Variants in RPTOR observed in about 807,000 individuals in gnomAD.
RPTOR encodes regulatory associated protein of MTOR complex 1, also known as regulatory-associated protein of mTOR.
Under a neutral mutation model 169.9 loss-of-function variants are expected in RPTOR, and 21 were observed. The observed-to-expected ratio is 0.12, with a 90% CI of 0.09 to 0.18. The LOEUF is 0.18. Among genes scored for constraint, RPTOR ranks in the 10% least tolerant of loss-of-function variants. RPTOR has a pLI of 1.00. For synonymous variants in RPTOR, 732 were observed against 753.2 expected (o/e 0.97, Z 0.46); for missense variants, 1,133 against 1,855.9 (o/e 0.61, Z 7.16).
chr17:80,915,096 G>T (rs1007602105), intron 21 of RPTOR, among the ~76,000 whole-genome samples: 2 of 152,094 alleles, frequency 1.3e-5, no homozygotes, highest in African/African-American at 4.8e-5. Flanking sequence ...TCTGCTGAGA[G>T]CTGAGCAGAC....
In RPTOR at chr17:80,651,543, A is replaced by T. The variant is rs1470478081; in HGVS notation, c.348+7733A>T. Among the ~76,000 whole-genome samples, 3 of 146,842 alleles carry T rather than the reference A, an allele frequency of 2.0e-5. No individual in the cohort carries two copies. The highest frequency in any genetic ancestry group is 2.1e-4 in the South Asian group (1 of 4,670). On this transcript the variant is annotated intron_variant, in intron 3 of 33. Coordinates refer to ENST00000306801, the MANE Select transcript of RPTOR (RefSeq NM_020761.3). This position sits in a 1 kb window ranked among gnomAD's most constrained non-coding sequence, Gnocchi z 4.1. ...TATGACACATAATGGAGATTTTTTT[A>T]AAATGGACATACGAAGCACATAACG...
rs140876878 is a variant in RPTOR at position 80,882,528 on chromosome 17, G to A, written c.1585-891G>A. ...CTCGGCGTGCGAGGAAAGCGACCAC[G>A]GTCGGGTCACCTGCACCCAGCTCAG... is the stretch of plus-strand genomic sequence containing the variant. On this transcript the variant is annotated intron_variant, in intron 14 of 33. Coordinates refer to ENST00000306801, the MANE Select transcript of RPTOR (RefSeq NM_020761.3). Among the ~76,000 whole-genome samples, 98 of 152,276 alleles carry A rather than the reference G, an allele frequency of 6.4e-4. No homozygotes were observed. The East Asian group carries it at 0.01, about 16-fold the overall frequency.
chr17:80,773,837 G>A (rs1229523191), intron 6 of RPTOR: 8 of 985,406 alleles, frequency 8.1e-6, no homozygotes, highest in Non-Finnish European at 8.4e-6. Flanking sequence ...TGGTGCCTGG[G>A]TGTGTTCAGT....
intron 6 of RPTOR, among the ~76,000 whole-genome samples, chr17:80,790,521 T>TGCTATGGGCTA (rs879822129): frequency 6.6e-6 from 1 of 152,128 alleles, no homozygotes; most frequent in Non-Finnish European, 1.5e-5. Context: ...CCTATCCCAC[T>TGCTATGGGCTA]GCTATGGGTA....
intron 3 of RPTOR, among the ~76,000 whole-genome samples, chr17:80,697,550 GGGCGGCGTGATAGGTGCAGGT>G (rs879481669): frequency 1.4e-4 from 21 of 152,288 alleles, no homozygotes; most frequent in Non-Finnish European, 1.9e-4. Flanking sequence ...GGGAGGAGGA[GGGCGGCGTGATAGGTGCAGGT>G]GGCGGCGTGA....
intron 11 of RPTOR, among the ~76,000 whole-genome samples, chr17:80,849,464 A>G (rs1417328771): frequency 1.3e-5 from 2 of 152,218 alleles, no homozygotes; most frequent in Non-Finnish European, 2.9e-5. Context: ...CAACAGAGGA[A>G]CAAGAAGGAA....
chr17:80,702,090 ATC>A (rs1339144885), intron 3 of RPTOR, among the ~76,000 whole-genome samples: 1 of 152,146 alleles, frequency 6.6e-6, no homozygotes, highest in African/African-American at 2.4e-5. Flanking sequence ...AAAATGCAGA[ATC>A]TGATTGCAGT....
chr17:80,795,535 T>C (rs967386309), intron 7 of RPTOR, among the ~76,000 whole-genome samples: 1 of 152,018 alleles, frequency 6.6e-6, no homozygotes, highest in Non-Finnish European at 1.5e-5. Context: ...CAAGTGATGC[T>C]ATGAAGGTGG....
intron 1 of RPTOR, among the ~76,000 whole-genome samples, chr17:80,554,601 G>A (rs1348712189): frequency 6.6e-6 from 1 of 151,996 alleles, no homozygotes; most frequent in Non-Finnish European, 1.5e-5. Flanking sequence ...AAAATTAGCC[G>A]GGCGAGGTGA....
At chr17:80,748,019 C>G in intron 5 of RPTOR, among the ~76,000 whole-genome samples, 1 of 129,804 alleles carries the variant, frequency 7.7e-6, no homozygotes, top group African/African-American at 3.2e-5. Flanking sequence ...GATGGAGGGA[C>G]TGCGGTGTGT....
chr17:80,929,486 G>C (rs1454343246), intron 24 of RPTOR, among the ~76,000 whole-genome samples: 16 of 152,216 alleles, frequency 1.1e-4, no homozygotes, highest in Admixed American at 1.0e-3. Flanking sequence ...ATTATAAAAA[G>C]CTTTAAGAGT....
intron 4 of RPTOR, among the ~76,000 whole-genome samples, chr17:80,718,899 C>A (rs1335630785): frequency 6.6e-6 from 1 of 152,152 alleles, no homozygotes; most frequent in Non-Finnish European, 1.5e-5. Context: ...GCTAGAGAAA[C>A]TCCAGGTAGA....
chr17:80,558,257 T>A (rs1434035675), intron 1 of RPTOR, among the ~76,000 whole-genome samples: 1 of 152,178 alleles, frequency 6.6e-6, no homozygotes, highest in Non-Finnish European at 1.5e-5. Flanking sequence ...GCTATGATGG[T>A]GTCACTGCCC....
chr17:80,586,850 G>A (rs2065064619), intron 1 of RPTOR, among the ~76,000 whole-genome samples: 2 of 147,042 alleles, frequency 1.4e-5, no homozygotes, highest in Non-Finnish European at 3.1e-5. Context: ...GGCCTTTCTC[G>A]CCTTTTTGCC....
intron 13 of RPTOR, among the ~76,000 whole-genome samples, chr17:80,864,819 TTTTCA>T (rs1326109103): frequency 5.9e-5 from 9 of 152,266 alleles, no homozygotes; most frequent in Non-Finnish European, 1.2e-4. Flanking sequence ...CTATGAATTT[TTTTCA>T]ATAAGCCTTT....
chr17:80,927,766 G>A (rs2068830498), intron 24 of RPTOR, among the ~76,000 whole-genome samples: 1 of 150,138 alleles, frequency 6.7e-6, no homozygotes, highest in Admixed American at 6.7e-5. Context: ...ATTTGTTCCG[G>A]TGTGTGCAAG....
intron 6 of RPTOR, among the ~76,000 whole-genome samples, chr17:80,784,842 GT>G (rs1175608926): frequency 2.0e-5 from 3 of 152,042 alleles, no homozygotes; most frequent in Non-Finnish European, 4.4e-5. Context: ...GGGATTACAG[GT>G]GTCCGCCACC....
At chr17:80,839,088 C>T (rs1289172420) in intron 10 of RPTOR, among the ~76,000 whole-genome samples, 4 of 152,228 alleles carry the variant, frequency 2.6e-5, no homozygotes, top group Non-Finnish European at 4.4e-5. Context: ...GTGCACACCA[C>T]AGCCGTCAGG....
chr17:80,902,321 C>G (rs545961935), intron 20 of RPTOR, among the ~76,000 whole-genome samples: 5 of 152,348 alleles, frequency 3.3e-5, no homozygotes, highest in African/African-American at 9.6e-5. Flanking sequence ...CCTCCTGCCC[C>G]CCGTCTCAGC....
Sources: gnomAD v4.1 joint callset for allele counts (sites outside exome capture counted in the v4.1 genomes callset) on GRCh38, gnomAD v4.1.1 for gene constraint, Gnocchi (gnomAD v3.1) non-coding constraint, MANE v1.5 for transcripts, NCBI Gene and HGNC (gene_info 2026-07-23, HGNC 2026-07-21) for gene names.